The following KCNU1 variants were observed in gnomAD, a reference collection of about 807,000 sequenced individuals.
The protein encoded by KCNU1 is potassium channel subfamily U member 1.
KCNU1 carries 93 observed loss-of-function variants against 126.8 expected under a neutral mutation model. The ratio of observed to expected loss-of-function variants is 0.73; its 90% CI spans 0.62 to 0.87. KCNU1 has a LOEUF of 0.87. Among genes scored for constraint, KCNU1 ranks in the 40% least tolerant of loss-of-function variants. The pLI is 0.00. For missense variants in KCNU1, 1,330 were observed against 1,367.1 expected (o/e 0.97, Z 0.43); for synonymous variants, 523 against 494.2 (o/e 1.06, Z -0.77).
At chr8:36,864,853 C>T (rs921258100) in intron 19 of KCNU1, among the ~76,000 whole-genome samples, 1 of 152,070 alleles carries the variant, frequency 6.6e-6, no homozygotes, top group African/African-American at 2.4e-5. Context: ...TAATCAATCC[C>T]CTATTTCCAA....
At chr8:36,796,407 C>T (rs16885410) in intron 2 of KCNU1, among the ~76,000 whole-genome samples, 36,154 of 152,052 alleles carry the variant, frequency 0.24, 5,056 homozygotes, top group African/African-American at 0.38. Context: ...TATGTGTTTT[C>T]CATATCCTTA....
At chr8:36,906,628 T>C (rs1160989132) in intron 20 of KCNU1, among the ~76,000 whole-genome samples, 1 of 152,226 alleles carries the variant, frequency 6.6e-6, no homozygotes, top group East Asian at 1.9e-4. Flanking sequence ...TTGATACTTA[T>C]ATATATTTTC....
At chr8:36,834,076 T>C (rs1804659111) in intron 11 of KCNU1, among the ~76,000 whole-genome samples, 1 of 152,070 alleles carries the variant, frequency 6.6e-6, no homozygotes. Flanking sequence ...TGCTTTCCAA[T>C]AGGAAAAACA....
Position 36,840,465 on chromosome 8 carries a change from T to C in KCNU1, c.1521T>C (p.Val507=), listed in dbSNP as rs781465524. Residue 507 remains valine (V), a splice_region_variant and synonymous_variant, in exon 15 of 27, where the codon GTT becomes GTC. Coordinates refer to ENST00000399881, the MANE Select transcript of KCNU1 (RefSeq NM_001031836.3). ...TSLFVEQNKK[V]MPKQTWKKHF... ...TGTGGCATGATTATGTATTCCAGGT[T>C]ATGCCTAAACAGACCTGGAAGAAAC... 1.3e-6 allele frequency: 2 copies of C among 1,524,540 alleles called. No individual in the cohort carries two copies. The highest frequency in any genetic ancestry group is 2.3e-5 in the South Asian group (2 of 88,004). 94.4% of individuals were successfully genotyped at this position (1,524,540 alleles called of 1,614,324 possible). A position where few individuals can be genotyped will look rare whatever the true frequency, so the allele number is the denominator to read the frequency against.
intron 10 of KCNU1, among the ~76,000 whole-genome samples, chr8:36,818,484 CT>C (rs1804002738): frequency 6.6e-6 from 1 of 152,026 alleles, no homozygotes; most frequent in Non-Finnish European, 1.5e-5. Flanking sequence ...CCAACTTCAC[CT>C]TTTAATTTTT....
chr8:36,843,131 C>T (rs1805017709), intron 16 of KCNU1, among the ~76,000 whole-genome samples: 1 of 152,140 alleles, frequency 6.6e-6, no homozygotes, highest in African/African-American at 2.4e-5. Context: ...ATCTTTTCCA[C>T]CTTTAACATT....
At chr8:36,829,687 T>C (rs921385414) in intron 10 of KCNU1, among the ~76,000 whole-genome samples, 1 of 151,280 alleles carries the variant, frequency 6.6e-6, no homozygotes, top group Non-Finnish European at 1.5e-5. Context: ...TTAATGCGAA[T>C]CTAATTGAAA....
chr8:36,899,157 C>A (rs1807316462), intron 19 of KCNU1, among the ~76,000 whole-genome samples: 1 of 151,954 alleles, frequency 6.6e-6, no homozygotes, highest in Admixed American at 6.6e-5. Flanking sequence ...AGAAATAAAG[C>A]AAAGCTTAAC....
rs192368512 is a variant in KCNU1, at chr8:36,901,808, C to T, written c.2010-3900C>T. 1.3e-3 allele frequency among the ~76,000 whole-genome samples: 192 copies of T among 152,214 alleles called. 3 individuals carry two copies. Among genetic ancestry groups the T allele is most frequent in the Admixed American group, 0.011 (164 of 15,276 alleles). On this transcript the variant is annotated intron_variant, in intron 19 of 26. Transcript: ENST00000399881. ...CCAAACACATCCTGCTGAAGGCCAC[C>T]CCACACAACTCCCACCACATTTCTT...
chr8:36,882,474 C>G (rs534005758), intron 19 of KCNU1, among the ~76,000 whole-genome samples: 1 of 152,214 alleles, frequency 6.6e-6, no homozygotes, highest in Non-Finnish European at 1.5e-5. Flanking sequence ...CCTCTTGCCC[C>G]TTCTCTGCCT....
intron 2 of KCNU1, among the ~76,000 whole-genome samples, chr8:36,797,894 C>T (rs1400645780): frequency 6.6e-6 from 1 of 152,218 alleles, no homozygotes; most frequent in Admixed American, 6.5e-5. Context: ...AGCCTCTCTC[C>T]TCTGTTTTGT....
chr8:36,824,566 A>T (rs1804247143), intron 10 of KCNU1, among the ~76,000 whole-genome samples: 1 of 152,174 alleles, frequency 6.6e-6, no homozygotes, highest in Admixed American at 6.5e-5. Context: ...CCCTTTGGAT[A>T]AGGATGGATT....
rs1207649055 is a variant in KCNU1 at position 36,936,018 on chromosome 8, A to AT, written c.*103dup. On this transcript the variant is annotated 3_prime_UTR_variant, in exon 27 of 27. Transcript: ENST00000399881. The stretch of plus-strand genomic sequence containing the variant: ...AAGAAAATAAGAATGGAAGCATGCC[A>AT]TTTTTCTGCCCATTGCTTAGTGGTT... 1.7e-6 allele frequency: 2 copies of AT among 1,171,120 alleles called. No homozygotes were observed. Among genetic ancestry groups the AT allele is most frequent in the African/African-American group, 1.5e-5 (1 of 64,906 alleles). The allele number at this position is 1,171,120 out of a possible 1,614,324, so 72.5% of individuals were successfully genotyped here. A position where few individuals can be genotyped will look rare whatever the true frequency, so the allele number is the denominator to read the frequency against.
intron 10 of KCNU1, among the ~76,000 whole-genome samples, chr8:36,825,617 C>G (rs1804290483): frequency 6.6e-6 from 1 of 152,164 alleles, no homozygotes; most frequent in African/African-American, 2.4e-5. Flanking sequence ...GTGGAGAAGT[C>G]TAGGCTTTTA....
In KCNU1 at chr8:36,807,320, C is replaced by T. The variant is rs1803539912; in HGVS notation, c.581-55C>T. 5 of 1,202,342 alleles carry T rather than the reference C, an allele frequency of 4.2e-6. No homozygotes were observed. The Admixed American group carries it at 5.1e-5, about 12-fold the overall frequency. The allele number at this position is 1,202,342 out of a possible 1,614,324, so 74.5% of individuals were successfully genotyped here. Reference sequence around the variant, plus strand: ...TTCCAATGCTGTTATAACGTAGGCTCCCTCTGGAGTGACCCTCTGATTTTG... The same window carrying T: ...TTCCAATGCTGTTATAACGTAGGCTTCCTCTGGAGTGACCCTCTGATTTTG... On this transcript the variant is annotated intron_variant, in intron 5 of 26. Coordinates refer to ENST00000399881, the MANE Select transcript of KCNU1 (RefSeq NM_001031836.3).
intron 2 of KCNU1, among the ~76,000 whole-genome samples, chr8:36,799,293 G>A (rs1050842188): frequency 6.6e-6 from 1 of 151,854 alleles, no homozygotes; most frequent in African/African-American, 2.4e-5. Context: ...AAGGTATAGC[G>A]TATCTTCAAA....
chr8:36,871,964 T>G (rs1585490306), intron 19 of KCNU1, among the ~76,000 whole-genome samples: 1 of 152,050 alleles, frequency 6.6e-6, no homozygotes, highest in South Asian at 2.1e-4. Flanking sequence ...TATGCGAAGC[T>G]TAGTCACTGT....
intron 2 of KCNU1, among the ~76,000 whole-genome samples, chr8:36,792,811 A>G (rs1351017001): frequency 1.3e-5 from 2 of 152,208 alleles, no homozygotes; most frequent in African/African-American, 4.8e-5. Context: ...TGTAAAATAT[A>G]TATAGGTTCT....
At chr8:36,896,651 A>AGGTCC (rs1277271340) in intron 19 of KCNU1, among the ~76,000 whole-genome samples, 2 of 152,080 alleles carry the variant, frequency 1.3e-5, no homozygotes, top group African/African-American at 4.8e-5. Flanking sequence ...CTGAGAAAGA[A>AGGTCC]GGTCCGTTCC....
Sources: gnomAD v4.1 joint callset for allele counts (sites outside exome capture counted in the v4.1 genomes callset) on GRCh38, gnomAD v4.1.1 for gene constraint, MANE v1.5 for transcripts, NCBI Gene and HGNC (gene_info 2026-07-23, HGNC 2026-07-21) for gene names.